Variants in FRMD6 observed in about 807,000 individuals in gnomAD.
The protein encoded by FRMD6 is FERM domain containing 6.
FRMD6 carries 37 observed loss-of-function variants against 73.2 expected under a neutral mutation model. The ratio of observed to expected loss-of-function variants is 0.51; its 90% CI spans 0.39 to 0.66. The LOEUF (loss-of-function observed/expected upper bound fraction) is 0.66. FRMD6 is among the 30% of genes least tolerant of loss of function. The pLI is 0.00. For missense variants in FRMD6, 714 were observed against 780.5 expected (o/e 0.91, Z 1.02); for synonymous variants, 273 against 282.2 (o/e 0.97, Z 0.33).
rs1555324359 is a variant in FRMD6, at chr14:51,585,960, T to TAA, written c.-147+15551_-147+15552dup. ...GTGTGTATATATATATATATATATA[T>TAA]AACATTTTCTTTATCAAACCTTTGT... On this transcript the variant is annotated intron_variant, in intron 2 of 14. Coordinates refer to the FRMD6 transcript ENST00000356218. 3.6e-4 allele frequency among the ~76,000 whole-genome samples: 33 copies of TAA among 91,322 alleles called. 4 individuals are homozygous for TAA. The highest frequency in any genetic ancestry group is 8.4e-4 in the East Asian group (2 of 2,368). 59.9% of individuals were successfully genotyped at this position (91,322 alleles called of 152,430 possible). A position where few individuals can be genotyped will look rare whatever the true frequency, so the allele number is the denominator to read the frequency against.
chr14:51,562,161 C>T (rs1887518461), intron 1 of FRMD6, among the ~76,000 whole-genome samples: 1 of 152,158 alleles, frequency 6.6e-6, no homozygotes, highest in African/African-American at 2.4e-5. Flanking sequence ...ATCTTTCACC[C>T]CCACATTTCT....
In FRMD6 at chr14:51,694,280, G is replaced by A. The variant is rs373659198; in HGVS notation, c.100-3862G>A. ...ATTTGAGTGAAGTAATTGTGGCCACGAGCTTATATGTCTTCACTAAGATTA... is the reference window on the plus strand; with the variant it reads ...ATTTGAGTGAAGTAATTGTGGCCACAAGCTTATATGTCTTCACTAAGATTA... On this transcript the variant is annotated intron_variant, in intron 2 of 13. Coordinates refer to ENST00000344768, the MANE Select transcript of FRMD6 (RefSeq NM_001267046.2). Among the ~76,000 whole-genome samples the A allele has an allele frequency of 6.3e-4, 96 of 152,246 alleles. 2 individuals carry two copies. In the East Asian group the frequency reaches 0.014, roughly 22 times the overall value.
In FRMD6 at chr14:51,576,434, G is replaced by A. The variant is rs1888407376; in HGVS notation, c.-147+6024G>A. Among the ~76,000 whole-genome samples the A allele has an allele frequency of 2.6e-5, 4 of 152,280 alleles. No individual in the cohort carries two copies. The South Asian group carries it at 6.2e-4, about 24-fold the overall frequency. On this transcript the variant is annotated intron_variant, in intron 2 of 14. Transcript: ENST00000356218. ...AACGTAGTTTGCCCAGGCAGTTCAC[G>A]CTGACTGAAACCTCCTCTGTCTTCT...
chr14:51,686,111 G>A lies in FRMD6; in HGVS notation c.-146-3580G>A, dbSNP rs778646816. Among the ~76,000 whole-genome samples the A allele has an allele frequency of 5.3e-5, 8 of 151,992 alleles. 1 individual carries two copies. The highest frequency in any genetic ancestry group is 4.2e-4 in the South Asian group (2 of 4,816). ...CCTCCTTTGCCTACATTCAATATGA[G>A]ACTATATTATGTGGGTAGGAAACTT... On this transcript the variant is annotated intron_variant, in intron 1 of 13. Transcript: ENST00000344768.
intron 10 of FRMD6, 92 bp downstream of exon 10, chr14:51,715,591 G>C (rs896528767): frequency 7.4e-6 from 8 of 1,085,600 alleles, no homozygotes; most frequent in Non-Finnish European, 1.0e-5. Context: ...CTACAGAATT[G>C]GATTTTGGGA....
intron 1 of FRMD6, among the ~76,000 whole-genome samples, chr14:51,489,868 C>T (rs531854263): frequency 1.4e-4 from 22 of 152,256 alleles, no homozygotes; most frequent in African/African-American, 5.1e-4. Context: ...GTTTCAAGAG[C>T]CCAACAATGA....
chr14:51,645,689 A>T (rs1041014635), intron 2 of FRMD6, among the ~76,000 whole-genome samples: 5 of 151,996 alleles, frequency 3.3e-5, no homozygotes, highest in Non-Finnish European at 7.4e-5. Flanking sequence ...GGCTCAAGCG[A>T]TCCACCTGCC....
chr14:51,414,581 G>A, the FRMD6 span, among the ~76,000 whole-genome samples: 1,407 of 152,298 alleles, frequency 9.2e-3, 21 homozygotes, highest in African/African-American at 0.032. Flanking sequence ...TTGAAGTCAG[G>A]TAGTGTGATG....
chr14:51,472,331 T>C, the FRMD6 span, among the ~76,000 whole-genome samples: 1 of 151,786 alleles, frequency 6.6e-6, no homozygotes, highest in Non-Finnish European at 1.5e-5. Context: ...TGAGACGGAG[T>C]CTCTCTCTGT....
chr14:51,578,686 T>C (rs1240768363), intron 2 of FRMD6, among the ~76,000 whole-genome samples: 1 of 152,226 alleles, frequency 6.6e-6, no homozygotes, highest in Admixed American at 6.5e-5. Context: ...TTCAGACACA[T>C]GATCTGTGTA....
At chr14:51,438,936 T>C in the FRMD6 span, among the ~76,000 whole-genome samples, 1 of 152,178 alleles carries the variant, frequency 6.6e-6, no homozygotes, top group Non-Finnish European at 1.5e-5. Context: ...TAATTAGGAG[T>C]AACTGTCCCA....
upstream of FRMD6, chr14:51,651,504 C>A (rs1023245783): frequency 6.6e-6 from 1 of 152,256 alleles, no homozygotes; most frequent in African/African-American, 2.4e-5. Context: ...GAAGGCCACT[C>A]GGCCAGAAGG....
At chr14:51,517,756 A>T (rs971313153) in intron 1 of FRMD6, among the ~76,000 whole-genome samples, 8 of 152,190 alleles carry the variant, frequency 5.3e-5, no homozygotes, top group African/African-American at 1.9e-4. Flanking sequence ...CAGTTATTTC[A>T]GAGTCATGGC....
intron 2 of FRMD6, among the ~76,000 whole-genome samples, chr14:51,577,275 A>T (rs1888458797): frequency 6.6e-6 from 1 of 152,114 alleles, no homozygotes; most frequent in African/African-American, 2.4e-5. Flanking sequence ...CCAATGGAAA[A>T]AAAAAAAGAA....
intron 1 of FRMD6, among the ~76,000 whole-genome samples, chr14:51,509,711 C>G (rs772641648): frequency 4.6e-5 from 7 of 152,092 alleles, no homozygotes; most frequent in South Asian, 2.1e-4. Flanking sequence ...ACTACAACCT[C>G]CGCCTCCTGG....
At chr14:51,507,378 G>T (rs1171328389) in intron 1 of FRMD6, among the ~76,000 whole-genome samples, 1 of 151,860 alleles carries the variant, frequency 6.6e-6, no homozygotes, top group African/African-American at 2.4e-5. Flanking sequence ...TGTGCTTCCA[G>T]ATCATTCCCC....
At chr14:51,685,116 G>A (rs921121872) in intron 1 of FRMD6, among the ~76,000 whole-genome samples, 3 of 152,160 alleles carry the variant, frequency 2.0e-5, no homozygotes, top group African/African-American at 7.2e-5. Flanking sequence ...ACAGTGCCTG[G>A]AACATGGTAA....
intron 2 of FRMD6, among the ~76,000 whole-genome samples, chr14:51,611,239 T>G (rs2139864674): frequency 6.6e-6 from 1 of 152,284 alleles, no homozygotes; most frequent in Non-Finnish European, 1.5e-5. Context: ...AACTTAAATT[T>G]CCTTAAAGGT....
chr14:51,595,392 A>T (rs1889654551), intron 2 of FRMD6, among the ~76,000 whole-genome samples: 1 of 152,210 alleles, frequency 6.6e-6, no homozygotes, highest in South Asian at 2.1e-4. Context: ...AGAGTCTGGG[A>T]AACAGGATAC....
Sources: gnomAD v4.1 joint callset for allele counts (sites outside exome capture counted in the v4.1 genomes callset) on GRCh38, gnomAD v4.1.1 for gene constraint, MANE v1.5 for transcripts, NCBI Gene and HGNC (gene_info 2026-07-23, HGNC 2026-07-21) for gene names.